MACROD2: variants seen among roughly 807,000 people sequenced by gnomAD.
MACROD2 encodes the protein ADP-ribose glycohydrolase MACROD2.
MACROD2 carries 36 observed loss-of-function variants against 70.4 expected under a neutral mutation model. The observed-to-expected ratio is 0.51, with a 90% confidence interval of 0.39 to 0.68. The LOEUF is 0.68. Among genes scored for constraint, MACROD2 ranks in the 30% least tolerant of loss-of-function variants. The pLI is 0.00. For synonymous variants in MACROD2, 172 were observed against 178.8 expected (o/e 0.96, Z 0.30); for missense variants, 496 against 538.4 (o/e 0.92, Z 0.78).
At chr20:14,044,474 C>T (rs1412654731) in intron 2 of MACROD2, among the ~76,000 whole-genome samples, 1 of 152,104 alleles carries the variant, frequency 6.6e-6, no homozygotes, top group Non-Finnish European at 1.5e-5. Context: ...TTATTTGGCC[C>T]CACCCACATC....
At chr20:15,270,242 C>T (rs1477244055) in intron 6 of MACROD2, among the ~76,000 whole-genome samples, 1 of 150,870 alleles carries the variant, frequency 6.6e-6, no homozygotes, top group African/African-American at 2.4e-5. Context: ...CAAATGGCTT[C>T]CAACAGAGCA....
intron 4 of MACROD2, among the ~76,000 whole-genome samples, chr20:14,542,626 G>T (rs936534701): frequency 6.6e-6 from 1 of 152,114 alleles, no homozygotes; most frequent in Non-Finnish European, 1.5e-5. Flanking sequence ...TATTTAAGGA[G>T]AATTTTTCTG....
intron 6 of MACROD2, among the ~76,000 whole-genome samples, chr20:15,338,612 A>G (rs1395591835): frequency 1.3e-5 from 2 of 151,762 alleles, no homozygotes; most frequent in East Asian, 3.8e-4. Context: ...ATGTGATTTC[A>G]TTTAATCATC....
chr20:15,990,264 A>G (rs982887665), intron 15 of MACROD2, among the ~76,000 whole-genome samples: 2 of 152,198 alleles, frequency 1.3e-5, no homozygotes, highest in Admixed American at 6.6e-5. Flanking sequence ...CCAAATAGGA[A>G]AGTAATATTA....
At chr20:14,965,587 A>G (rs1176217851) in intron 5 of MACROD2, among the ~76,000 whole-genome samples, 24 of 144,784 alleles carry the variant, frequency 1.7e-4, no homozygotes, top group Non-Finnish European at 3.0e-4. Flanking sequence ...CAGCCTCCCT[A>G]GTAACTGGGG....
At chr20:15,370,358 AAAAG>A (rs1454681554) in intron 6 of MACROD2, among the ~76,000 whole-genome samples, 3 of 152,084 alleles carry the variant, frequency 2.0e-5, no homozygotes, top group Non-Finnish European at 4.4e-5. Context: ...GCACTTATAA[AAAAG>A]AAGACACACT....
intron 5 of MACROD2, among the ~76,000 whole-genome samples, chr20:15,092,452 T>G (rs1052810376): frequency 6.7e-6 from 1 of 148,990 alleles, no homozygotes; most frequent in African/African-American, 2.4e-5. Context: ...TATAACATTT[T>G]AAAATAATTT....
chr20:15,424,197 G>A (rs762141302), intron 6 of MACROD2, among the ~76,000 whole-genome samples: 8 of 152,170 alleles, frequency 5.3e-5, no homozygotes, highest in Non-Finnish European at 8.8e-5. Context: ...TATTGCAGAG[G>A]AACTGCAAAA....
chr20:15,707,109 A>G (rs1012529820), intron 8 of MACROD2, among the ~76,000 whole-genome samples: 3 of 152,224 alleles, frequency 2.0e-5, no homozygotes, highest in African/African-American at 7.2e-5. Context: ...CATTTTATGT[A>G]TATACATACA....
At chr20:16,011,451 C>T (rs970095832) in intron 15 of MACROD2, among the ~76,000 whole-genome samples, 2 of 152,172 alleles carry the variant, frequency 1.3e-5, no homozygotes, top group African/African-American at 2.4e-5. Flanking sequence ...TGGTTCTGAG[C>T]GGTGCAAATT....
chr20:15,096,015 T>C (rs2075828805), intron 5 of MACROD2, among the ~76,000 whole-genome samples: 2 of 152,150 alleles, frequency 1.3e-5, no homozygotes, highest in African/African-American at 4.8e-5. Flanking sequence ...GATGTATCAA[T>C]GAGTCTGTGA....
intron 6 of MACROD2, among the ~76,000 whole-genome samples, chr20:15,382,872 G>A (rs2045662375): frequency 6.6e-6 from 1 of 151,274 alleles, no homozygotes. Context: ...AAATGAAGGG[G>A]TTGAAAAGTT....
At chr20:15,187,843 A>C (rs1336046991) in intron 5 of MACROD2, among the ~76,000 whole-genome samples, 1 of 152,146 alleles carries the variant, frequency 6.6e-6, no homozygotes, top group East Asian at 1.9e-4. Context: ...CTGTGTTCTC[A>C]GAAATTGGTT....
chr20:14,463,797 G>A (rs1464542442), intron 3 of MACROD2, among the ~76,000 whole-genome samples: 1 of 151,918 alleles, frequency 6.6e-6, no homozygotes, highest in Non-Finnish European at 1.5e-5. Context: ...ATAATCATGT[G>A]GTTTTTGTCT....
intron 3 of MACROD2, among the ~76,000 whole-genome samples, chr20:14,332,101 G>T (rs1209722935): frequency 6.6e-6 from 1 of 152,042 alleles, no homozygotes; most frequent in African/African-American, 2.4e-5. Flanking sequence ...ACTTAAAACT[G>T]TAGTAAAAAG....
chr20:15,135,267 A>T (rs1397445348), intron 5 of MACROD2, among the ~76,000 whole-genome samples: 2 of 151,334 alleles, frequency 1.3e-5, no homozygotes, highest in African/African-American at 4.9e-5. Context: ...ACCAAAAAAG[A>T]GAATTTTAGA....
At chr20:14,574,739 C>T (rs554246219) in intron 4 of MACROD2, among the ~76,000 whole-genome samples, 3 of 151,206 alleles carry the variant, frequency 2.0e-5, no homozygotes, top group African/African-American at 7.3e-5. Flanking sequence ...CGGCCGGGCG[C>T]GGTGGCTCAC....
chr20:14,345,219 C>T (rs1339854569), intron 3 of MACROD2, among the ~76,000 whole-genome samples: 2 of 152,048 alleles, frequency 1.3e-5, no homozygotes, highest in Non-Finnish European at 2.9e-5. Flanking sequence ...ATGGCTTTAC[C>T]TATATTTTAT....
intron 13 of MACROD2, among the ~76,000 whole-genome samples, chr20:15,980,065 G>C (rs572489926): frequency 5.9e-5 from 9 of 152,326 alleles, no homozygotes; most frequent in Middle Eastern, 3.4e-3. Flanking sequence ...CAAGCAGGGG[G>C]TACGTGGCAG....
Sources: gnomAD v4.1 joint callset for allele counts (sites outside exome capture counted in the v4.1 genomes callset) on GRCh38, gnomAD v4.1.1 for gene constraint, MANE v1.5 for transcripts, NCBI Gene and HGNC (gene_info 2026-07-23, HGNC 2026-07-21) for gene names.